Variants in ALG12 observed in about 807,000 individuals in gnomAD.
ALG12 encodes the protein dol-P-Man:Man(7)GlcNAc(2)-PP-Dol alpha-1,6-mannosyltransferase.
In ALG12, 36 loss-of-function variants were observed where a neutral mutation model predicts 46.0. That is an observed-to-expected ratio of 0.78 (90% CI 0.60 to 1.03). The LOEUF (loss-of-function observed/expected upper bound fraction) is 1.03. Ranked by LOEUF, ALG12 falls within the 50% of genes least tolerant of loss-of-function variation. The pLI is 0.00. For missense variants in ALG12, 599 were observed against 633.5 expected (o/e 0.95, Z 0.58); for synonymous variants, 326 against 291.6 (o/e 1.12, Z -1.20).
chr22:49,899,225 C>A (rs1388700587), downstream of ALG12, among the ~76,000 whole-genome samples: 1 of 152,152 alleles, frequency 6.6e-6, no homozygotes, highest in Non-Finnish European at 1.5e-5. Flanking sequence ...GTAGTCCCAG[C>A]ATTTTGGGTG....
the ALG12 span, among the ~76,000 whole-genome samples, chr22:49,875,594 T>C: frequency 3.9e-5 from 6 of 151,936 alleles, no homozygotes; most frequent in Non-Finnish European, 8.8e-5. Flanking sequence ...CTAATTTTTG[T>C]ATTTTTAGTA....
chr22:49,868,966 A>G, the ALG12 span, among the ~76,000 whole-genome samples: 1 of 151,906 alleles, frequency 6.6e-6, no homozygotes, highest in East Asian at 1.9e-4. Flanking sequence ...ACAAAAAAAA[A>G]AAAAAAAATT....
In ALG12 at chr22:49,913,400, A is replaced by G. The variant is rs929902400; in HGVS notation, c.280T>C (p.Tyr94His). Residue 94 changes from tyrosine to histidine, a missense_variant, in exon 3 of 10, where the codon TAC (tyrosine) becomes CAC (histidine). Physicochemically the swap from Tyr to His is moderately conservative, Grantham distance 83 (BLOSUM62 2). Transcript: ENST00000330817. ...ACCCCCTTACCTATTAGCTGAGAGT[A>G]AAACTTGGACATTTCTAACAGCGAA... ...VLSLLEMSKF[Y>H]SQLIVRGVLG... 1.2e-6 allele frequency: 2 copies of G among 1,613,960 alleles called. No individual in the cohort carries two copies. Among genetic ancestry groups the G allele is most frequent in the Non-Finnish European group, 1.7e-6 (2 of 1,180,040 alleles).
intron 1 of ALG12, among the ~76,000 whole-genome samples, chr22:49,916,300 C>T (rs2060608877): frequency 1.3e-5 from 2 of 151,508 alleles, no homozygotes; most frequent in East Asian, 1.9e-4. Context: ...TATGTTCCAA[C>T]GGCCGGGCGT....
rs143204935 is a variant in ALG12 at position 49,909,250 on chromosome 22, G to A, written c.762C>T (p.Asn254=). The A allele has an allele frequency of 3.1e-6, 5 of 1,614,126 alleles. No homozygotes were observed. Among genetic ancestry groups the A allele is most frequent in the Non-Finnish European group, 4.2e-6 (5 of 1,180,050 alleles). ...WYNTVLNKSS[N]WGTSPLLWYF... is the part of the protein sequence containing the mutation. Reference sequence around the variant, plus strand: ...CACGGACACTGAAGGATACCCCCCAGTTGGAGCTTTTGTTCAGGACAGTGT... The same window carrying A: ...CACGGACACTGAAGGATACCCCCCAATTGGAGCTTTTGTTCAGGACAGTGT... Residue 254 remains asparagine, a synonymous_variant, in exon 6 of 10, where the codon AAC becomes AAT. Coordinates refer to ENST00000330817, the MANE Select transcript of ALG12 (RefSeq NM_024105.4).
the ALG12 span, among the ~76,000 whole-genome samples, chr22:49,881,615 T>C: frequency 1.3e-5 from 2 of 152,356 alleles, no homozygotes; most frequent in East Asian, 3.9e-4. Flanking sequence ...TGCCCTCAAG[T>C]GATCGTCCCA....
chr22:49,912,068 C>CCCGGGATCAGCCT (rs2060580905), intron 3 of ALG12, among the ~76,000 whole-genome samples: 4 of 121,068 alleles, frequency 3.3e-5, no homozygotes, highest in African/African-American at 1.6e-4. Flanking sequence ...CGGGATCAGC[C>CCCGGGATCAGCCT]TGGCCCCGGG....
At chr22:49,891,395 C>G in the ALG12 span, among the ~76,000 whole-genome samples, 1 of 152,184 alleles carries the variant, frequency 6.6e-6, no homozygotes, top group Admixed American at 6.5e-5. Flanking sequence ...TGTCTGTGGT[C>G]TTGGCTATTG....
chr22:49,888,710 T>G, the ALG12 span: 1 of 167,228 alleles, frequency 6.0e-6, no homozygotes, highest in Non-Finnish European at 1.5e-5. Context: ...GCAGCCTCTG[T>G]GCACGCTCTT....
Position 49,904,214 on chromosome 22 carries a change from A to G in ALG12, c.1203T>C (p.Gly401=), listed in dbSNP as rs772813973. ...LHIDVAAAQT[G]VSRFLQVNSA... Reference sequence around the variant, plus strand: ...TGTTGACTTGGAGAAACCGAGACACACCTGTCTGGGCGGCTGCCACGTCAA... The same window carrying G: ...TGTTGACTTGGAGAAACCGAGACACGCCTGTCTGGGCGGCTGCCACGTCAA... The change falls in exon 9 of 10, where the codon GGT becomes GGC. Residue 401 remains glycine, a synonymous_variant. Coordinates refer to ENST00000330817, the MANE Select transcript of ALG12 (RefSeq NM_024105.4). The G allele has an allele frequency of 3.1e-6, 5 of 1,614,066 alleles. No individual in the cohort carries two copies. The highest frequency in any genetic ancestry group is 4.2e-6 in the Non-Finnish European group (5 of 1,179,966).
rs954842091 is a variant in ALG12, at chr22:49,906,052, G to A, written c.993-1546C>T. On this transcript the variant is annotated intron_variant, in intron 7 of 9. Coordinates refer to ENST00000330817, the MANE Select transcript of ALG12 (RefSeq NM_024105.4). This position sits in a 1 kb window ranked among gnomAD's most constrained non-coding sequence, Gnocchi z 4.4. Reference sequence around the variant, plus strand: ...CCCAGGGTGGCCGGGCTGAGGACCTGACTTCGGAGGGGGCCTTGCTCTACC... The same window carrying A: ...CCCAGGGTGGCCGGGCTGAGGACCTAACTTCGGAGGGGGCCTTGCTCTACC... Among the ~76,000 whole-genome samples, 7 of 152,150 alleles carry A rather than the reference G, an allele frequency of 4.6e-5. No individual in the cohort carries two copies. Among genetic ancestry groups the A allele is most frequent in the Non-Finnish European group, 7.4e-5 (5 of 68,006 alleles).
chr22:49,880,328 A>G, the ALG12 span, among the ~76,000 whole-genome samples: 1 of 152,068 alleles, frequency 6.6e-6, no homozygotes, highest in Non-Finnish European at 1.5e-5. Context: ...GTTTCCTCAA[A>G]TGCAGATGCA....
At chr22:49,914,454 G>C (rs1431721266) in intron 1 of ALG12, among the ~76,000 whole-genome samples, 2 of 152,252 alleles carry the variant, frequency 1.3e-5, no homozygotes, top group Non-Finnish European at 2.9e-5. Flanking sequence ...CTTTCCCAAA[G>C]GTGGCACCAC....
At chr22:49,892,909 T>A in the ALG12 span, among the ~76,000 whole-genome samples, 1 of 152,166 alleles carries the variant, frequency 6.6e-6, no homozygotes, top group Non-Finnish European at 1.5e-5. Flanking sequence ...ATAGAAATAG[T>A]CTCACAGGTG....
At chr22:49,862,050 G>A in the ALG12 span, among the ~76,000 whole-genome samples, 1 of 152,300 alleles carries the variant, frequency 6.6e-6, no homozygotes, top group East Asian at 1.9e-4. Context: ...GGGTGAGAAG[G>A]GGTATCTTGA....
At chr22:49,871,859 A>T in the ALG12 span, among the ~76,000 whole-genome samples, 1 of 150,902 alleles carries the variant, frequency 6.6e-6, no homozygotes, top group Non-Finnish European at 1.5e-5. Flanking sequence ...GGTTGAAGCG[A>T]TTCTCCTGCC....
At chr22:49,889,967 GTCTCT>G in the ALG12 span, 149 of 167,152 alleles carry the variant, frequency 8.9e-4, no homozygotes, top group Non-Finnish European at 1.8e-3. Context: ...CCTCAGAACT[GTCTCT>G]TCAGTGAATG....
In ALG12 at chr22:49,905,942, A is replaced by G. The variant is rs1430442774; in HGVS notation, c.993-1436T>C. Among the ~76,000 whole-genome samples the G allele has an allele frequency of 6.6e-6, 1 of 152,102 alleles. No individual in the cohort carries two copies. The highest frequency in any genetic ancestry group is 2.4e-5 in the African/African-American group (1 of 41,426). On this transcript the variant is annotated intron_variant, in intron 7 of 9. Transcript: ENST00000330817. The surrounding 1 kb of genome is among the most constrained non-coding windows in gnomAD (Gnocchi z 4.9). ...AACCTGGAGTGGGCAGTCACTGTGG[A>G]AAGCTCGCAATCAGAAACCTTCCAC...
chr22:49,878,470 A>T, the ALG12 span, among the ~76,000 whole-genome samples: 1 of 152,190 alleles, frequency 6.6e-6, no homozygotes, highest in South Asian at 2.1e-4. Context: ...CGAGCAACCA[A>T]TTCTCAACAA....
Sources: allele counts gnomAD v4.1 joint callset (sites outside exome capture counted in the v4.1 genomes callset), GRCh38; gene constraint gnomAD v4.1.1; non-coding constraint Gnocchi (gnomAD v3.1); transcripts MANE v1.5; gene names NCBI Gene and HGNC (gene_info 2026-07-23, HGNC 2026-07-21).